Variants in AARS1 observed in about 807,000 individuals in gnomAD.
AARS1 encodes the protein alanine--tRNA ligase, cytoplasmic.
In AARS1, 72 loss-of-function variants were observed where a neutral mutation model predicts 108.9. The ratio of observed to expected loss-of-function variants is 0.66; its 90% CI spans 0.55 to 0.80. The LOEUF (loss-of-function observed/expected upper bound fraction) is 0.80, where lower values mean the gene tolerates loss of function less well. Ranked by LOEUF, AARS1 falls within the 30% of genes least tolerant of loss-of-function variation. The pLI, the probability that AARS1 is intolerant of heterozygous loss-of-function variation, is 0.00. For synonymous variants in AARS1, 489 were observed against 465.7 expected (o/e 1.05, Z -0.64); for missense variants, 1,193 against 1,233.2 (o/e 0.97, Z 0.49).
intron 7 of AARS1, 139 bp downstream of exon 7, chr16:70,269,479 A>G: frequency 7.9e-7 from 1 of 1,270,426 alleles, no homozygotes; most frequent in Middle Eastern, 2.2e-4. Context: ...GGTTGCAGTG[A>G]GGCAAGATCA....
intron 9 of AARS1, among the ~76,000 whole-genome samples, chr16:70,266,930 C>T (rs559323963): frequency 2.3e-4 from 35 of 152,094 alleles, no homozygotes; most frequent in African/African-American, 3.4e-4. Flanking sequence ...TCCGCCTCCC[C>T]GGTTCAAGCA....
chr16:70,253,411 T>G, intron 19 of AARS1, 30 bp from the exon 20 acceptor site: 1 of 1,551,910 alleles, frequency 6.4e-7, no homozygotes, highest in African/African-American at 1.4e-5. Context: ...CAGGCCACGG[T>G]GCTGGAGCAG....
chr16:70,271,830 C>T lies in AARS1; in HGVS notation c.622G>A (p.Asp208Asn), dbSNP rs780893599. The part of the protein sequence containing the change: ...RDAAHLVNQD[D>N]PNVLEIWNLV... ...TTCCAGATCTCCAGCACATTAGGGT[C>T]GTCCTGGTTGACAAGATGTGCGGCG... Residue 208 changes from aspartate (D) to asparagine (N), a missense_variant, in exon 5 of 21, where the codon GAC becomes AAC. Coordinates refer to ENST00000261772, the MANE Select transcript of AARS1 (RefSeq NM_001605.3). The T allele has an allele frequency of 1.2e-5, 20 of 1,613,740 alleles. No individual in the cohort carries two copies. In the African/African-American group the frequency reaches 1.5e-4, roughly 12 times the overall value.
intron 11 of AARS1, 152 bp downstream of exon 11, chr16:70,264,806 C>G: frequency 2.2e-6 from 2 of 895,456 alleles, no homozygotes; most frequent in Non-Finnish European, 3.6e-6. Context: ...CCAAGGGTGC[C>G]TATGTGTATA....
At position 70,254,029 on chromosome 16, in the gene AARS1, T is replaced by A. The variant is rs1959916231; in HGVS notation, c.2410A>T (p.Thr804Ser). The A allele has an allele frequency of 6.2e-7, 1 of 1,614,108 alleles. No individual in the cohort carries two copies. Among genetic ancestry groups the A allele is most frequent in the East Asian group, 2.2e-5 (1 of 44,872 alleles). Reference sequence around the variant, plus strand: ...TTCTGCCACTGGGGGATGACTGCAGTGGCCAGGGCCTGGAACCAATAGACG... The same window carrying A: ...TTCTGCCACTGGGGGATGACTGCAGAGGCCAGGGCCTGGAACCAATAGACG... ...EIADLGEALA[T>S]AVIPQWQKDE... Residue 804 changes from threonine to serine, a missense_variant, in exon 18 of 21, where the codon ACT becomes TCT. Transcript: ENST00000261772.
chr16:70,262,530 C>G lies in AARS1; in HGVS notation c.1493-6G>C. The G allele has an allele frequency of 1.2e-6, 2 of 1,606,786 alleles. No homozygotes were observed. The highest frequency in any genetic ancestry group is 1.7e-6 in the Non-Finnish European group (2 of 1,174,068). On this transcript the variant is annotated splice_polypyrimidine_tract_variant and splice_region_variant and intron_variant, in intron 11 of 20. Transcript: ENST00000261772. Reference sequence around the variant, plus strand: ...AGCCACTGTGTTCTCAAATACTGCTCAAGGGAAATGCATAGAAAGGGGACA... The same window carrying G: ...AGCCACTGTGTTCTCAAATACTGCTGAAGGGAAATGCATAGAAAGGGGACA...
intron 2 of AARS1, among the ~76,000 whole-genome samples, chr16:70,280,161 C>G (rs1416830656): frequency 6.6e-6 from 1 of 152,204 alleles, no homozygotes; most frequent in African/African-American, 2.4e-5. Context: ...AAGCAATCCT[C>G]TTACTTTGGC....
In AARS1 at chr16:70,267,730, T is replaced by C. The variant is rs1206887792; in HGVS notation, c.1151A>G (p.Lys384Arg). ...GATGCGACGCCCTCTGCTGAGAGTC[T>C]TGAGAAACTGCACCTCTTCTTCATT... Reference protein sequence around the residue: ...IINEEEVQFLKTLSRGRRILD... With the variant: ...IINEEEVQFLRTLSRGRRILD... Residue 384 changes from lysine (K) to arginine (R), a missense_variant, in exon 9 of 21, where the codon AAG becomes AGG. Physicochemically the swap from Lys to Arg is conservative, Grantham distance 26 (BLOSUM62 2). Transcript: ENST00000261772. 1.9e-6 allele frequency: 3 copies of C among 1,614,182 alleles called. No homozygotes were observed. The highest frequency in any genetic ancestry group is 4.5e-5 in the East Asian group (2 of 44,892).
intron 4 of AARS1, among the ~76,000 whole-genome samples, chr16:70,275,131 GCA>G (rs1567609756): frequency 1.3e-5 from 2 of 151,606 alleles, no homozygotes; most frequent in African/African-American, 4.8e-5. Context: ...GTGGTGGCGC[GCA>G]CCTGTAGTCC....
chr16:70,253,610 C>T lies in AARS1; in HGVS notation c.2607+104G>A, dbSNP rs933611599. On this transcript the variant is annotated intron_variant, in intron 19 of 20. Coordinates refer to ENST00000261772, the MANE Select transcript of AARS1 (RefSeq NM_001605.3). ...GCTCCTCCCAATCTCAATCCCAGAC[C>T]GTGGGCCCTTAGGCAACCACTTCGC... The T allele has an allele frequency of 2.0e-5, 27 of 1,333,710 alleles. No individual in the cohort carries two copies. In the African/African-American group the frequency reaches 2.6e-4, roughly 13 times the overall value. The allele number at this position is 1,333,710 out of a possible 1,614,324, so 82.6% of individuals were successfully genotyped here.
intron 12 of AARS1, 52 bp from the exon 13 acceptor site, chr16:70,261,209 A>G (rs764401987): frequency 7.4e-7 from 1 of 1,345,226 alleles, no homozygotes; most frequent in Non-Finnish European, 1.1e-6. Context: ...AAACATACAA[A>G]TTTTCTTATA....
intron 13 of AARS1, 113 bp downstream of exon 13, chr16:70,260,931 G>A (rs1960117323): frequency 8.7e-6 from 7 of 807,976 alleles, no homozygotes; most frequent in African/African-American, 1.7e-5. Flanking sequence ...CAAAGTGCTG[G>A]GATTACAAGT....
Position 70,254,746 on chromosome 16 carries a change from C to A in AARS1, c.2287-12G>T, listed in dbSNP as rs749357717. On this transcript the variant is annotated splice_polypyrimidine_tract_variant and intron_variant, in intron 16 of 20. Transcript: ENST00000261772. ...GCTTTCCTGAGGGCCTGGGAGGGGA[C>A]ACCGGGTCAACCCCAAGCAGGAGGT... is the stretch of plus-strand genomic sequence containing the variant. 1 of 1,575,014 alleles carries A rather than the reference C, an allele frequency of 6.3e-7. No individual in the cohort carries two copies. The highest frequency in any genetic ancestry group is 2.2e-5 in the East Asian group (1 of 44,652).
At chr16:70,271,715 A>G in intron 5 of AARS1, 66 bp downstream of exon 5, 1 of 1,500,632 alleles carries the variant, frequency 6.7e-7, no homozygotes, top group Non-Finnish European at 9.3e-7. Context: ...AGAGAGCTAC[A>G]CAGCTCCGAG....
chr16:70,255,794 C>CA lies in AARS1; in HGVS notation c.2219dup (p.Thr741AspfsTer57), dbSNP rs780685736. 6.2e-7 allele frequency: 1 copy of CA among 1,614,068 alleles called. No individual in the cohort carries two copies. The highest frequency in any genetic ancestry group is 1.3e-5 in the African/African-American group (1 of 74,946). ...TACCCTTGGCAATGGCTTCTTCCGT[C>CA]ACGATCACAAAAGCTCCTGCATGAC... On this transcript the variant is annotated frameshift_variant, in exon 16 of 21. Transcript: ENST00000261772. LOFTEE classifies it high-confidence loss of function.
chr16:70,282,872 G>T, intron 1 of AARS1, 88 bp from the exon 2 acceptor site: 1 of 1,307,942 alleles, frequency 7.6e-7, no homozygotes, highest in Non-Finnish European at 1.1e-6. Flanking sequence ...CTCAAGCCAA[G>T]TCAAAGCACG....
chr16:70,253,683 C>G, intron 19 of AARS1, 31 bp downstream of exon 19: 1 of 1,609,570 alleles, frequency 6.2e-7, no homozygotes, highest in Non-Finnish European at 8.5e-7. Flanking sequence ...CTGATGAGCC[C>G]TAGGGGAGGG....
intron 19 of AARS1, 90 bp from the exon 20 acceptor site, chr16:70,253,471 A>G: frequency 1.7e-6 from 2 of 1,145,708 alleles, no homozygotes; most frequent in Non-Finnish European, 1.3e-6. Context: ...CCTGCCACCC[A>G]CCCCTACCCC....
At position 70,255,890 on chromosome 16, in the gene AARS1, T is replaced by C. The variant is rs995204298; in HGVS notation, c.2178-54A>G. The C allele has an allele frequency of 2.5e-5, 39 of 1,530,456 alleles. 1 individual carries two copies. The South Asian group carries it at 3.6e-4, about 14-fold the overall frequency. 94.8% of individuals were successfully genotyped at this position (1,530,456 alleles called of 1,614,324 possible). A position where few individuals can be genotyped will look rare whatever the true frequency, so the allele number is the denominator to read the frequency against. ...GAAAGAGGCCCTGGCAGCCCTTGGC[T>C]GGGGGGTCACACTAGCGGACAAGAG... is the stretch of plus-strand genomic sequence containing the variant. On this transcript the variant is annotated intron_variant, in intron 15 of 20. Coordinates refer to ENST00000261772, the MANE Select transcript of AARS1 (RefSeq NM_001605.3).
Sources: gnomAD v4.1 joint callset for allele counts (sites outside exome capture counted in the v4.1 genomes callset) on GRCh38, gnomAD v4.1.1 for gene constraint, MANE v1.5 for transcripts, NCBI Gene and HGNC (gene_info 2026-07-23, HGNC 2026-07-21) for gene names.